EPHA6: variants seen among roughly 807,000 people sequenced by gnomAD.
The protein encoded by EPHA6 is ephrin type-A receptor 6.
A neutral mutation model predicts 112.0 loss-of-function variants in EPHA6; 50 were observed. The observed-to-expected ratio is 0.45, with a 90% confidence interval of 0.36 to 0.56. The LOEUF (loss-of-function observed/expected upper bound fraction) is 0.56, where lower values mean the gene tolerates loss of function less well. Among genes scored for constraint, EPHA6 ranks in the 20% least tolerant of loss-of-function variants. The pLI, the probability that EPHA6 is intolerant of heterozygous loss-of-function variation, is 0.00. For synonymous variants in EPHA6, 529 were observed against 490.7 expected (o/e 1.08, Z -1.03); for missense variants, 1,280 against 1,417.4 (o/e 0.90, Z 1.56).
chr3:97,286,958 C>T (rs72924474), intron 5 of EPHA6, among the ~76,000 whole-genome samples: 1,586 of 149,584 alleles, frequency 0.011, 30 homozygotes, highest in African/African-American at 0.035. Context: ...CTTTCACATT[C>T]TTGATTAAAT....
intron 3 of EPHA6, among the ~76,000 whole-genome samples, chr3:96,998,794 C>T (rs1287480369): frequency 2.0e-5 from 3 of 151,610 alleles, no homozygotes; most frequent in African/African-American, 4.8e-5. Flanking sequence ...TTCTTTTATT[C>T]TGTATTTCTA....
chr3:97,014,495 A>C (rs2044201049), intron 3 of EPHA6, among the ~76,000 whole-genome samples: 1 of 151,632 alleles, frequency 6.6e-6, no homozygotes, highest in African/African-American at 2.4e-5. Context: ...AATATGCAAA[A>C]CTTATTTGGA....
At chr3:97,252,095 C>T (rs2079157598) in intron 5 of EPHA6, among the ~76,000 whole-genome samples, 2 of 152,162 alleles carry the variant, frequency 1.3e-5, no homozygotes, top group Admixed American at 6.5e-5. Context: ...ACATGCACCT[C>T]CTGTTCCCAA....
Position 97,317,365 on chromosome 3 carries a change from A to T in EPHA6, c.1606+73078A>T. On this transcript the variant is annotated intron_variant, in intron 5 of 17. Transcript: ENST00000389672. ...TAACTATAAGTTCTCTTTTGCCCTG[A>T]TGTGTAACCCAACCACAGGGATGTT... is the stretch of plus-strand genomic sequence containing the variant. Among the ~76,000 whole-genome samples the T allele has an allele frequency of 1.3e-5, 2 of 152,106 alleles. 1 individual carries two copies. Among genetic ancestry groups the T allele is most frequent in the African/African-American group, 4.8e-5 (2 of 41,456 alleles).
chr3:96,893,438 A>G (rs1232680803), intron 2 of EPHA6, among the ~76,000 whole-genome samples: 2 of 152,184 alleles, frequency 1.3e-5, no homozygotes, highest in Non-Finnish European at 2.9e-5. Flanking sequence ...CCCCAACCAT[A>G]TAAAATCCAT....
intron 11 of EPHA6, among the ~76,000 whole-genome samples, chr3:97,565,763 A>C (rs2093256212): frequency 6.6e-6 from 1 of 152,166 alleles, no homozygotes; most frequent in Non-Finnish European, 1.5e-5. Context: ...TCACACCTGT[A>C]ATCCCAGCAC....
intron 3 of EPHA6, among the ~76,000 whole-genome samples, chr3:97,196,587 A>G (rs931516211): frequency 6.6e-5 from 10 of 152,056 alleles, no homozygotes; most frequent in African/African-American, 2.2e-4. Context: ...CGGTCATTTC[A>G]GTCTGGGCTT....
chr3:97,713,311 C>A (rs895958816), intron 14 of EPHA6, among the ~76,000 whole-genome samples: 1 of 152,112 alleles, frequency 6.6e-6, no homozygotes, highest in Non-Finnish European at 1.5e-5. Flanking sequence ...AGTTGGTGAG[C>A]TCTGGGTTCA....
At chr3:97,345,874 G>A (rs1402951069) in intron 5 of EPHA6, among the ~76,000 whole-genome samples, 1 of 151,996 alleles carries the variant, frequency 6.6e-6, no homozygotes, top group Non-Finnish European at 1.5e-5. Context: ...AGATTAGTAT[G>A]CTTCTCAAAG....
At chr3:97,096,712 T>C (rs2047250345) in intron 3 of EPHA6, among the ~76,000 whole-genome samples, 1 of 151,974 alleles carries the variant, frequency 6.6e-6, no homozygotes, top group Admixed American at 6.6e-5. Context: ...TTAAATTTTC[T>C]TAAGTTTTGA....
At chr3:97,236,675 CT>C (rs1369578129) in intron 4 of EPHA6, among the ~76,000 whole-genome samples, 1 of 151,996 alleles carries the variant, frequency 6.6e-6, no homozygotes, top group Non-Finnish European at 1.5e-5. Context: ...AATATCAAGT[CT>C]TTGTGTTTGA....
chr3:97,692,402 C>T (rs777184059), intron 14 of EPHA6, among the ~76,000 whole-genome samples: 16 of 152,242 alleles, frequency 1.1e-4, no homozygotes, highest in East Asian at 1.9e-4. Context: ...TTTTTAAAGA[C>T]GATCCTTGGA....
chr3:97,455,575 C>T (rs2090655296), intron 7 of EPHA6, among the ~76,000 whole-genome samples: 2 of 151,954 alleles, frequency 1.3e-5, no homozygotes, highest in African/African-American at 4.8e-5. Flanking sequence ...ATTCGTCACC[C>T]TCCCTTAATT....
At chr3:97,738,906 C>T (rs561881816) in intron 16 of EPHA6, among the ~76,000 whole-genome samples, 10 of 152,106 alleles carry the variant, frequency 6.6e-5, no homozygotes, top group African/African-American at 1.4e-4. Context: ...ATGCCTGAAC[C>T]TTTATCAGCG....
intron 3 of EPHA6, among the ~76,000 whole-genome samples, chr3:97,002,666 A>T (rs2077319564): frequency 6.6e-6 from 1 of 152,010 alleles, no homozygotes; most frequent in South Asian, 2.1e-4. Flanking sequence ...GACATAAAGA[A>T]TATAATATAT....
intron 2 of EPHA6, among the ~76,000 whole-genome samples, chr3:96,986,543 A>G (rs2043029434): frequency 6.6e-6 from 1 of 151,988 alleles, no homozygotes; most frequent in South Asian, 2.1e-4. Flanking sequence ...AAATGTCACT[A>G]CCTCAGTAAG....
At position 97,624,330 on chromosome 3, in the gene EPHA6, T is replaced by TGGTG. The variant is rs1457032411; in HGVS notation, c.2574+13477_2574+13480dup. 4.0e-5 allele frequency among the ~76,000 whole-genome samples: 6 copies of TGGTG among 151,560 alleles called. No homozygotes were observed. In the East Asian group the frequency reaches 7.8e-4, roughly 20 times the overall value. ...ATCTTCCCCCTTCATTCAGTTAATG[T>TGGTG]GGTGTGTTACATTGACTGACTTTCA... On this transcript the variant is annotated intron_variant, in intron 13 of 17. Transcript: ENST00000389672.
intron 14 of EPHA6, among the ~76,000 whole-genome samples, chr3:97,707,471 C>T (rs1186983845): frequency 6.6e-6 from 1 of 152,114 alleles, no homozygotes. Context: ...TCACTTTGAT[C>T]ATAAACCAGT....
chr3:97,246,759 C>T (rs1466945912), intron 5 of EPHA6, among the ~76,000 whole-genome samples: 1 of 151,814 alleles, frequency 6.6e-6, no homozygotes, highest in African/African-American at 2.4e-5. Context: ...TAAATATAAG[C>T]ATCTACCTCC....
Sources: gnomAD v4.1 joint callset for allele counts (sites outside exome capture counted in the v4.1 genomes callset) on GRCh38, gnomAD v4.1.1 for gene constraint, MANE v1.5 for transcripts, NCBI Gene and HGNC (gene_info 2026-07-23, HGNC 2026-07-21) for gene names.